DENND1B: variants seen among roughly 807,000 people sequenced by gnomAD.
DENND1B encodes the protein DENN domain containing 1B.
DENND1B carries 59 observed loss-of-function variants against 90.1 expected under a neutral mutation model. The observed-to-expected ratio is 0.65, with a 90% confidence interval of 0.53 to 0.81. The LOEUF (loss-of-function observed/expected upper bound fraction) is 0.81. DENND1B is among the 40% of genes least tolerant of loss of function. The pLI, the probability that DENND1B is intolerant of heterozygous loss-of-function variation, is 0.00. For synonymous variants in DENND1B, 337 were observed against 324.6 expected (o/e 1.04, Z -0.41); for missense variants, 862 against 912.6 (o/e 0.94, Z 0.71).
chr1:197,650,760 C>T (rs1407524314), intron 7 of DENND1B, among the ~76,000 whole-genome samples: 1 of 152,106 alleles, frequency 6.6e-6, no homozygotes, highest in Non-Finnish European at 1.5e-5. Flanking sequence ...TGAAGTGCCT[C>T]AGGAATGGAA....
At chr1:197,652,687 T>C (rs1405708302) in intron 6 of DENND1B, among the ~76,000 whole-genome samples, 1 of 152,096 alleles carries the variant, frequency 6.6e-6, no homozygotes, top group Non-Finnish European at 1.5e-5. Context: ...AGAGTACTCT[T>C]ATTTTCCATT....
chr1:197,574,559 A>G (rs1442432846), intron 15 of DENND1B, among the ~76,000 whole-genome samples: 3 of 152,196 alleles, frequency 2.0e-5, no homozygotes, highest in Admixed American at 2.0e-4. Flanking sequence ...TGAAGCTACC[A>G]ATGACTTTCT....
intron 2 of DENND1B, among the ~76,000 whole-genome samples, chr1:197,759,574 TA>T (rs1317226720): frequency 6.6e-6 from 1 of 150,438 alleles, no homozygotes; most frequent in Non-Finnish European, 1.5e-5. Flanking sequence ...CCGTCTCTAC[TA>T]AAAATACAAA....
intron 19 of DENND1B, among the ~76,000 whole-genome samples, chr1:197,540,471 C>T (rs547415582): frequency 6.6e-6 from 1 of 152,090 alleles, no homozygotes; most frequent in South Asian, 2.1e-4. Context: ...TTAAAATCAA[C>T]ACACATATAC....
At chr1:197,599,903 CAAGAACTACA>C (rs1226076525) in intron 13 of DENND1B, among the ~76,000 whole-genome samples, 1 of 151,824 alleles carries the variant, frequency 6.6e-6, no homozygotes, top group Non-Finnish European at 1.5e-5. Context: ...AGGTCTTTAA[CAAGAACTACA>C]CATCTTTTAT....
At chr1:197,597,650 G>T (rs538044329) in intron 13 of DENND1B, among the ~76,000 whole-genome samples, 18 of 151,726 alleles carry the variant, frequency 1.2e-4, no homozygotes, top group Non-Finnish European at 1.9e-4. Context: ...TGTTGCCTGA[G>T]TTATAAGGGA....
Position 197,536,108 on chromosome 1 carries a change from C to T in DENND1B, c.1515+3856G>A, listed in dbSNP as rs76457624. Among the ~76,000 whole-genome samples the T allele has an allele frequency of 5.0e-3, 645 of 130,238 alleles. 10 individuals are homozygous for T. The highest frequency in any genetic ancestry group is 0.017 in the African/African-American group (601 of 34,626). The allele number at this position is 130,238 out of a possible 152,430, so 85.4% of individuals were successfully genotyped here. A position where few individuals can be genotyped will look rare whatever the true frequency, so the allele number is the denominator to read the frequency against. On this transcript the variant is annotated intron_variant, in intron 20 of 22. Coordinates refer to ENST00000620048, the MANE Select transcript of DENND1B (RefSeq NM_001195215.2). ...GGAGAGAGGAAAAGAGGGAGAGAGA[C>T]GGAGGGAGGGAGAGAGGGAGAGAGA...
chr1:197,656,516 G>C (rs1653844568), intron 6 of DENND1B, among the ~76,000 whole-genome samples: 1 of 152,036 alleles, frequency 6.6e-6, no homozygotes, highest in African/African-American at 2.4e-5. Context: ...TAGTAAATTA[G>C]CTCTTGTTAA....
chr1:197,519,953 G>T (rs1668658013), intron 20 of DENND1B, among the ~76,000 whole-genome samples: 1 of 151,656 alleles, frequency 6.6e-6, no homozygotes, highest in South Asian at 2.1e-4. Flanking sequence ...AAATTCAAGG[G>T]GGATTATAAT....
intron 2 of DENND1B, among the ~76,000 whole-genome samples, chr1:197,744,780 C>T (rs1308894788): frequency 6.6e-6 from 1 of 152,198 alleles, no homozygotes; most frequent in African/African-American, 2.4e-5. Flanking sequence ...GAAAGCCTTA[C>T]ATGGCATCTT....
chr1:197,523,904 G>A (rs1292965528), intron 20 of DENND1B, among the ~76,000 whole-genome samples: 2 of 151,968 alleles, frequency 1.3e-5, no homozygotes, highest in African/African-American at 4.8e-5. Context: ...AATAAAGATG[G>A]ACAACATGCA....
intron 2 of DENND1B, among the ~76,000 whole-genome samples, chr1:197,759,000 C>T (rs915637823): frequency 1.5e-4 from 18 of 120,094 alleles, no homozygotes; most frequent in African/African-American, 5.4e-4. Context: ...GATGGAGTCT[C>T]TCTCTGTCGC....
At chr1:197,678,028 C>T (rs912188241) in intron 3 of DENND1B, among the ~76,000 whole-genome samples, 1 of 152,152 alleles carries the variant, frequency 6.6e-6, no homozygotes, top group African/African-American at 2.4e-5. Flanking sequence ...GAAACCTCTC[C>T]CAGAAGTCTG....
chr1:197,721,721 T>C (rs1571499213), intron 2 of DENND1B, among the ~76,000 whole-genome samples: 1 of 152,108 alleles, frequency 6.6e-6, no homozygotes, highest in South Asian at 2.1e-4. Context: ...ACAACAAATA[T>C]ATCTTCATAG....
At chr1:197,569,485 A>T (rs1029528956) in intron 15 of DENND1B, among the ~76,000 whole-genome samples, 2 of 152,124 alleles carry the variant, frequency 1.3e-5, no homozygotes, top group Admixed American at 6.6e-5. Flanking sequence ...TGTTCAATAC[A>T]GCATTACTCA....
intron 3 of DENND1B, among the ~76,000 whole-genome samples, chr1:197,678,745 A>C (rs1263564583): frequency 2.6e-5 from 4 of 152,104 alleles, no homozygotes; most frequent in African/African-American, 7.2e-5. Flanking sequence ...TTTTATTTTT[A>C]AGAAGTGTTC....
chr1:197,769,368 G>A (rs898148510), intron 2 of DENND1B, among the ~76,000 whole-genome samples: 2 of 152,062 alleles, frequency 1.3e-5, no homozygotes, highest in African/African-American at 4.8e-5. Context: ...CTAAGGAAAG[G>A]CTTTCTAGGG....
At chr1:197,520,633 T>A (rs1668706417) in intron 20 of DENND1B, among the ~76,000 whole-genome samples, 1 of 151,996 alleles carries the variant, frequency 6.6e-6, no homozygotes, top group African/African-American at 2.4e-5. Context: ...GTCATGTTGA[T>A]GCTGTGCAAA....
At chr1:197,614,479 T>C (rs1269999255) in intron 11 of DENND1B, among the ~76,000 whole-genome samples, 1 of 151,052 alleles carries the variant, frequency 6.6e-6, no homozygotes, top group African/African-American at 2.4e-5. Context: ...GATAAGGGCA[T>C]TAACAAGCCA....
Sources: gnomAD v4.1 joint callset for allele counts (sites outside exome capture counted in the v4.1 genomes callset) on GRCh38, gnomAD v4.1.1 for gene constraint, MANE v1.5 for transcripts, NCBI Gene and HGNC (gene_info 2026-07-23, HGNC 2026-07-21) for gene names.